The following RLN2 variants were observed in gnomAD, a reference collection of about 807,000 sequenced individuals.
RLN2 encodes the protein relaxin 2.
In RLN2, 10 loss-of-function variants were observed where a neutral mutation model predicts 7.3. The observed-to-expected ratio is 1.36, with a 90% CI of 0.84 to 2.31. RLN2 has a LOEUF of 2.31. RLN2 is among the 30% of genes most tolerant of loss of function. RLN2 has a pLI of 0.00. For synonymous variants in RLN2, 103 were observed against 82.3 expected (o/e 1.25, Z -1.36); for missense variants, 298 against 217.6 (o/e 1.37, Z -2.32).
chr9:5,313,020 T>A, the RLN2 span, among the ~76,000 whole-genome samples: 1 of 152,020 alleles, frequency 6.6e-6, no homozygotes, highest in East Asian at 1.9e-4. Flanking sequence ...ATGAAAAATG[T>A]TTTGTGTGTG....
chr9:5,311,177 A>C, the RLN2 span, among the ~76,000 whole-genome samples: 1 of 152,068 alleles, frequency 6.6e-6, no homozygotes, highest in African/African-American at 2.4e-5. Flanking sequence ...TAAGATTAGG[A>C]AAAACTGAAG....
At chr9:5,312,404 G>A in the RLN2 span, among the ~76,000 whole-genome samples, 4 of 152,098 alleles carry the variant, frequency 2.6e-5, no homozygotes, top group South Asian at 6.2e-4. Flanking sequence ...AAGTGGTTCC[G>A]TTTCTAGATT....
chr9:5,331,819 A>G, the RLN2 span, among the ~76,000 whole-genome samples: 1 of 151,304 alleles, frequency 6.6e-6, no homozygotes, highest in African/African-American at 2.5e-5. Context: ...AGTATAATAA[A>G]CAAACAAAGA....
At chr9:5,317,830 C>T in the RLN2 span, among the ~76,000 whole-genome samples, 2 of 151,796 alleles carry the variant, frequency 1.3e-5, no homozygotes, top group South Asian at 2.1e-4. Context: ...CAAACTAAAA[C>T]CACACTAAGA....
chr9:5,327,623 T>A, the RLN2 span, among the ~76,000 whole-genome samples: 1 of 152,014 alleles, frequency 6.6e-6, no homozygotes, highest in African/African-American at 2.4e-5. Flanking sequence ...CTGACCCCTG[T>A]GTAGCCTGAC....
the RLN2 span, among the ~76,000 whole-genome samples, chr9:5,332,389 A>G: frequency 1.3e-5 from 2 of 152,068 alleles, no homozygotes. Flanking sequence ...AAAGAAATTT[A>G]TAGGACAAAC....
At chr9:5,336,731 C>G in the RLN2 span, among the ~76,000 whole-genome samples, 1 of 151,964 alleles carries the variant, frequency 6.6e-6, no homozygotes, top group Non-Finnish European at 1.5e-5. Flanking sequence ...TGCTCTTCTT[C>G]TTGGACAGGA....
At chr9:5,322,074 C>T in the RLN2 span, among the ~76,000 whole-genome samples, 2 of 152,018 alleles carry the variant, frequency 1.3e-5, no homozygotes, top group Admixed American at 1.3e-4. Flanking sequence ...TGGATGGGTA[C>T]AGCAAAGCCT....
At chr9:5,323,603 T>C in the RLN2 span, among the ~76,000 whole-genome samples, 1 of 151,960 alleles carries the variant, frequency 6.6e-6, no homozygotes, top group Non-Finnish European at 1.5e-5. Flanking sequence ...TTATTAAAGG[T>C]ACACAGCAAC....
At chr9:5,337,752 A>G in the RLN2 span, among the ~76,000 whole-genome samples, 6 of 152,210 alleles carry the variant, frequency 3.9e-5, no homozygotes, top group African/African-American at 1.4e-4. Context: ...CAGTTAAATT[A>G]TACTGCATAG....
At chr9:5,337,155 T>G in the RLN2 span, among the ~76,000 whole-genome samples, 1 of 152,012 alleles carries the variant, frequency 6.6e-6, no homozygotes, top group African/African-American at 2.4e-5. Flanking sequence ...CATCCTAAGT[T>G]TAATTCAATT....
chr9:5,313,961 G>A, the RLN2 span, among the ~76,000 whole-genome samples: 1 of 151,922 alleles, frequency 6.6e-6, no homozygotes, highest in Non-Finnish European at 1.5e-5. Flanking sequence ...GGAACCAGGG[G>A]GAAATTCTCC....
chr9:5,304,559 G>A lies in RLN2; in HGVS notation c.22C>T (p.His8Tyr). MPRLFFF[H>Y]LLGVCLLLNQ... ...AGTAGTAAACAGACTCCTAGCAGGT[G>A]GAAAAAAAACAGGCGAGGCATCCTG... is the stretch of plus-strand genomic sequence containing the variant. The change falls in exon 1 of 2, where the codon CAC becomes TAC. Residue 8 changes from histidine to tyrosine, a missense_variant. Coordinates refer to ENST00000381627, the MANE Select transcript of RLN2 (RefSeq NM_134441.3). 2 of 1,613,706 alleles carry A rather than the reference G, an allele frequency of 1.2e-6. No homozygotes were observed. The highest frequency in any genetic ancestry group is 1.7e-6 in the Non-Finnish European group (2 of 1,179,828).
At chr9:5,320,596 T>C in the RLN2 span, among the ~76,000 whole-genome samples, 106,733 of 151,298 alleles carry the variant, frequency 0.71, 37,894 homozygotes, top group South Asian at 0.81. Flanking sequence ...CTCTCAAACT[T>C]CTGACCTCAG....
At chr9:5,326,664 G>C in the RLN2 span, among the ~76,000 whole-genome samples, 2,095 of 152,172 alleles carry the variant, frequency 0.014, 73 homozygotes, top group African/African-American at 0.048. Flanking sequence ...ATGTCAAATA[G>C]TGATCTGAAT....
At chr9:5,308,971 C>A (rs753591339), upstream of RLN2, among the ~76,000 whole-genome samples, 2 of 152,112 alleles carry the variant, frequency 1.3e-5, no homozygotes, top group African/African-American at 2.4e-5. Flanking sequence ...GCAACACCCA[C>A]GTGGCCCTGC....
chr9:5,333,136 A>G, the RLN2 span, among the ~76,000 whole-genome samples: 1 of 152,002 alleles, frequency 6.6e-6, no homozygotes, highest in African/African-American at 2.4e-5. Context: ...ACTACAAAAC[A>G]AAATGGTGGA....
chr9:5,301,749 C>G lies in RLN2; in HGVS notation c.212-1305G>C, dbSNP rs561450698. On this transcript the variant is annotated intron_variant, in intron 1 of 1. Transcript: ENST00000381627. Reference sequence around the variant, plus strand: ...AGACAGCGGTGGTTCTGGGGCTGATCATTTCCTGAGTTTTCTGGCAAGAGA... The same window carrying G: ...AGACAGCGGTGGTTCTGGGGCTGATGATTTCCTGAGTTTTCTGGCAAGAGA... 1.6e-4 allele frequency among the ~76,000 whole-genome samples: 25 copies of G among 152,258 alleles called. No homozygotes were observed. The South Asian group carries it at 2.5e-3, about 15-fold the overall frequency.
chr9:5,323,526 T>C, the RLN2 span, among the ~76,000 whole-genome samples: 16 of 151,938 alleles, frequency 1.1e-4, no homozygotes, highest in East Asian at 1.9e-4. Context: ...TTTAGAGTTG[T>C]GCATTTTTAG....
Sources: allele counts gnomAD v4.1 joint callset (sites outside exome capture counted in the v4.1 genomes callset), GRCh38; gene constraint gnomAD v4.1.1; transcripts MANE v1.5; gene names NCBI Gene and HGNC (gene_info 2026-07-23, HGNC 2026-07-21).